LRMDA: variants seen among roughly 807,000 people sequenced by gnomAD.
LRMDA encodes leucine rich melanocyte differentiation associated.
LRMDA carries 18 observed loss-of-function variants against 29.8 expected under a neutral mutation model. The ratio of observed to expected loss-of-function variants is 0.60; its 90% CI spans 0.42 to 0.90. The LOEUF is 0.90. LRMDA is among the 40% of genes least tolerant of loss of function. The pLI is 0.00. For synonymous variants in LRMDA, 125 were observed against 109.4 expected, an observed-to-expected ratio of 1.14 and a Z score of -0.89; for missense variants, 273 against 273.9, an observed-to-expected ratio of 1.00 and a Z score of 0.02.
chr10:76,181,304 A>T (rs1851045289), intron 5 of LRMDA, among the ~76,000 whole-genome samples: 1 of 152,170 alleles, frequency 6.6e-6, no homozygotes, highest in South Asian at 2.1e-4. Flanking sequence ...GGACTGCTTC[A>T]TCAATTGCTT....
chr10:75,901,143 G>A (rs1199663930), intron 2 of LRMDA, among the ~76,000 whole-genome samples: 1 of 152,172 alleles, frequency 6.6e-6, no homozygotes, highest in African/African-American at 2.4e-5. Context: ...AAGAGAGATT[G>A]TTTCTATCTC....
chr10:75,915,153 A>G (rs1845913049), intron 2 of LRMDA, among the ~76,000 whole-genome samples: 1 of 102,882 alleles, frequency 9.7e-6, no homozygotes, highest in Non-Finnish European at 1.8e-5. Context: ...TTTTTTTGAG[A>G]CAGAGTATTG....
At chr10:75,985,644 CTG>C (rs1564623442) in intron 2 of LRMDA, among the ~76,000 whole-genome samples, 1 of 152,232 alleles carries the variant, frequency 6.6e-6, no homozygotes, top group Non-Finnish European at 1.5e-5. Flanking sequence ...CCTCAGCAGT[CTG>C]TGAGAGATGA....
At chr10:75,653,381 GA>G (rs1307280281) in intron 2 of LRMDA, among the ~76,000 whole-genome samples, 1 of 152,144 alleles carries the variant, frequency 6.6e-6, no homozygotes, top group Non-Finnish European at 1.5e-5. Flanking sequence ...TCTCTTGAAG[GA>G]AAAGTCAAAA....
intron 5 of LRMDA, among the ~76,000 whole-genome samples, chr10:76,087,272 C>T (rs1359528955): frequency 1.3e-5 from 2 of 152,092 alleles, no homozygotes; most frequent in East Asian, 1.9e-4. Context: ...TTTGTTCTGT[C>T]CTAGGAATTG....
chr10:76,115,115 C>T (rs561528558), intron 5 of LRMDA, among the ~76,000 whole-genome samples: 7 of 152,312 alleles, frequency 4.6e-5, no homozygotes, highest in African/African-American at 9.6e-5. Context: ...CATCTTTCCT[C>T]GTGTTGGGGC....
At chr10:75,655,354 G>A (rs1841655177) in intron 2 of LRMDA, among the ~76,000 whole-genome samples, 1 of 152,228 alleles carries the variant, frequency 6.6e-6, no homozygotes, top group Non-Finnish European at 1.5e-5. Flanking sequence ...CACAAAGTTG[G>A]TAAAGGTTGT....
intron 1 of LRMDA, 53 bp downstream of exon 1, chr10:75,431,807 G>T: frequency 7.7e-7 from 1 of 1,302,188 alleles, no homozygotes. Flanking sequence ...CGTGGGGAGG[G>T]ACAGCGGGGC....
intron 5 of LRMDA, among the ~76,000 whole-genome samples, chr10:76,186,673 C>T (rs187881949): frequency 2.0e-5 from 3 of 152,258 alleles, no homozygotes; most frequent in African/African-American, 2.4e-5. Context: ...TTCATTTTGT[C>T]GGTGCACATT....
chr10:76,221,966 G>GTA (rs1851850427), intron 5 of LRMDA, among the ~76,000 whole-genome samples: 2 of 149,892 alleles, frequency 1.3e-5, no homozygotes, highest in South Asian at 4.2e-4. Context: ...ATAACGCCAC[G>GTA]TATCTACAAC....
intron 5 of LRMDA, among the ~76,000 whole-genome samples, chr10:76,271,794 CTT>C (rs1259772943): frequency 6.6e-6 from 1 of 152,182 alleles, no homozygotes; most frequent in African/African-American, 2.4e-5. Flanking sequence ...AGTTTAGCAT[CTT>C]TGCATTTGTA....
chr10:75,927,865 A>G (rs1846145242), intron 2 of LRMDA, among the ~76,000 whole-genome samples: 1 of 152,144 alleles, frequency 6.6e-6, no homozygotes, highest in South Asian at 2.1e-4. Flanking sequence ...CCATATACTA[A>G]TTGGTGACCT....
chr10:76,429,169 A>C (rs1046045668), intron 6 of LRMDA, among the ~76,000 whole-genome samples: 1 of 152,126 alleles, frequency 6.6e-6, no homozygotes, highest in African/African-American at 2.4e-5. Flanking sequence ...AATTAACAAA[A>C]AAAAAAAAGT....
intron 5 of LRMDA, among the ~76,000 whole-genome samples, chr10:76,194,448 A>G (rs1216075000): frequency 6.6e-6 from 1 of 152,156 alleles, no homozygotes; most frequent in Non-Finnish European, 1.5e-5. Flanking sequence ...TGAAGAGAGA[A>G]AGGAATGAAG....
intron 2 of LRMDA, among the ~76,000 whole-genome samples, chr10:75,644,859 G>T (rs1447695249): frequency 2.0e-5 from 3 of 152,158 alleles, no homozygotes; most frequent in Non-Finnish European, 4.4e-5. Context: ...TCCAGAGCTT[G>T]CTTACTCTGT....
intron 2 of LRMDA, among the ~76,000 whole-genome samples, chr10:75,758,127 G>C (rs976420407): frequency 1.2e-4 from 19 of 152,194 alleles, no homozygotes; most frequent in Admixed American, 2.6e-4. Flanking sequence ...TTGAGCCCTG[G>C]TGAGGCAGGT....
At chr10:76,237,582 C>A (rs1217827841) in intron 5 of LRMDA, among the ~76,000 whole-genome samples, 1 of 152,048 alleles carries the variant, frequency 6.6e-6, no homozygotes, top group African/African-American at 2.4e-5. Flanking sequence ...GAATGTTGAA[C>A]CTTTCTTTGT....
chr10:75,832,225 T>G (rs1048262376), intron 2 of LRMDA, among the ~76,000 whole-genome samples: 1 of 152,214 alleles, frequency 6.6e-6, no homozygotes. Context: ...CCAAGTCACC[T>G]CTTGAAGGCT....
At chr10:75,757,321 C>A (rs151025421) in intron 2 of LRMDA, among the ~76,000 whole-genome samples, 2 of 152,124 alleles carry the variant, frequency 1.3e-5, no homozygotes, top group African/African-American at 4.8e-5. Flanking sequence ...GGAAATTGTA[C>A]GAGAGGTTTG....
Sources: allele counts gnomAD v4.1 joint callset (sites outside exome capture counted in the v4.1 genomes callset), GRCh38; gene constraint gnomAD v4.1.1; transcripts MANE v1.5; gene names NCBI Gene and HGNC (gene_info 2026-07-23, HGNC 2026-07-21).